INKA2: variants seen among roughly 807,000 people sequenced by gnomAD.
INKA2 encodes PAK4-inhibitor INKA2.
In INKA2, 3 loss-of-function variants were observed where a neutral mutation model predicts 9.8. That is an observed-to-expected ratio of 0.31 (90% confidence interval 0.14 to 0.79). INKA2 has a LOEUF of 0.79. Ranked by LOEUF, INKA2 falls within the 30% of genes least tolerant of loss-of-function variation. INKA2 has a pLI of 0.62. For synonymous variants in INKA2, 147 were observed against 143.3 expected, an observed-to-expected ratio of 1.03 and a Z score of -0.18; for missense variants, 392 against 384.4, an observed-to-expected ratio of 1.02 and a Z score of -0.17.
intron 1 of INKA2, chr1:111,754,527 A>C (rs1474124079): frequency 6.6e-6 from 1 of 152,120 alleles, no homozygotes; most frequent in Non-Finnish European, 1.5e-5. Flanking sequence ...TATTTTTAAA[A>C]ATTTGTTTAC....
upstream of INKA2, chr1:111,739,433 G>A (rs990089796): frequency 2.2e-4 from 317 of 1,444,770 alleles, no homozygotes; most frequent in Non-Finnish European, 2.6e-4. Flanking sequence ...TCGGTGCTGG[G>A]GGTGGAGGGA....
chr1:111,727,720 C>T lies in INKA2; in HGVS notation c.142G>A (p.Val48Met). The change falls in exon 2 of 2, where the codon GTG (valine) becomes ATG (methionine). Residue 48 changes from valine to methionine, a missense_variant. Coordinates refer to ENST00000357260, the MANE Select transcript of INKA2 (RefSeq NM_019099.5). ...TCCAGCTGTTCCAGTGCTGTCTGCA[C>T]CTGGAGGAGCTTCAGTTCTTGCAGT... ...GALQELKLLQ[V>M]QTALEQLEIS... 1.2e-6 allele frequency: 2 copies of T among 1,613,954 alleles called. No homozygotes were observed. The highest frequency in any genetic ancestry group is 2.2e-5 in the South Asian group (2 of 91,078).
chr1:111,753,992 G>C (rs926464836), intron 1 of INKA2: 8 of 152,216 alleles, frequency 5.3e-5, no homozygotes, highest in South Asian at 2.1e-4. Flanking sequence ...CAGCACCTGT[G>C]GGGTACATGG....
In INKA2 at chr1:111,722,688, G is replaced by T. The variant is rs117364116; in HGVS notation, c.*4280C>A. 3.6e-4 allele frequency: 60 copies of T among 164,516 alleles called. No homozygotes were observed. The East Asian group carries it at 9.1e-3, about 25-fold the overall frequency. 10.2% of individuals were successfully genotyped at this position (164,516 alleles called of 1,614,324 possible). Reference sequence around the variant, plus strand: ...ATTTAGCAAATAACAGCCCATCTGGGTGGCTAGTATACAGTGTACAAAAAC... The same window carrying T: ...ATTTAGCAAATAACAGCCCATCTGGTTGGCTAGTATACAGTGTACAAAAAC... On this transcript the variant is annotated 3_prime_UTR_variant, in exon 2 of 2. Coordinates refer to ENST00000357260, the MANE Select transcript of INKA2 (RefSeq NM_019099.5).
intron 1 of INKA2, among the ~76,000 whole-genome samples, chr1:111,752,076 T>A (rs1222439732): frequency 1.3e-5 from 2 of 152,180 alleles, no homozygotes; most frequent in Non-Finnish European, 2.9e-5. Context: ...ATTTCTACTT[T>A]CTATTTTGAG....
In INKA2 at chr1:111,726,318, C is replaced by CT. The variant is rs891344477; in HGVS notation, c.*649dup. 1.1e-5 allele frequency: 4 copies of CT among 367,752 alleles called. No homozygotes were observed. Among genetic ancestry groups the CT allele is most frequent in the African/African-American group, 8.4e-5 (4 of 47,848 alleles). 22.8% of individuals were successfully genotyped at this position (367,752 alleles called of 1,614,324 possible). A position where few individuals can be genotyped will look rare whatever the true frequency, so the allele number is the denominator to read the frequency against. On this transcript the variant is annotated 3_prime_UTR_variant, in exon 2 of 2. Transcript: ENST00000357260. The stretch of plus-strand genomic sequence containing the variant: ...GACGCGGGGAGTGTCTAGGGCTTCC[C>CT]TGGCTGCTCCTTACACACTGTACTC...
Position 111,727,215 on chromosome 1 carries a change from C to A in INKA2, c.647G>T (p.Arg216Leu). Residue 216 changes from arginine to leucine, a missense_variant, in exon 2 of 2, where the codon CGT (arginine) becomes CTT (leucine). Arg to Leu is a moderately radical substitution (Grantham distance 102). Transcript: ENST00000357260. Reference protein sequence around the residue: ...LTANIFKKFLRSVRPDRDRLL... With the variant: ...LTANIFKKFLLSVRPDRDRLL... ...CCGGTCACGGTCAGGCCGCACACTA[C>A]GCAAGAACTTCTTAAAGATGTTTGC... 2 of 1,614,212 alleles carry A rather than the reference C, an allele frequency of 1.2e-6. No individual in the cohort carries two copies.
intron 1 of INKA2, among the ~76,000 whole-genome samples, chr1:111,749,609 G>A (rs1663355212): frequency 6.6e-6 from 1 of 152,210 alleles, no homozygotes; most frequent in African/African-American, 2.4e-5. Flanking sequence ...GCTCAGAGAA[G>A]AGACAAAGGC....
chr1:111,727,776 A>G lies in INKA2; in HGVS notation c.86T>C (p.Leu29Ser). The part of the protein sequence containing the change: ...LMSMKEVGDG[L>S]QDQMNCMMGA... The stretch of plus-strand genomic sequence containing the variant: ...CATCATGCAGTTCATCTGATCCTGT[A>G]AGCCATCACCCACCTCCTTCATGGA... Residue 29 changes from leucine (L) to serine (S), a missense_variant, in exon 2 of 2, where the codon TTA becomes TCA. Leu to Ser is a moderately radical substitution (Grantham distance 145). Coordinates refer to ENST00000357260, the MANE Select transcript of INKA2 (RefSeq NM_019099.5). 2.5e-6 allele frequency: 4 copies of G among 1,609,118 alleles called. No individual in the cohort carries two copies. The highest frequency in any genetic ancestry group is 2.5e-6 in the Non-Finnish European group (3 of 1,179,998).
intron 1 of INKA2, among the ~76,000 whole-genome samples, chr1:111,737,474 A>G (rs914654461): frequency 2.3e-4 from 35 of 152,174 alleles, no homozygotes; most frequent in African/African-American, 6.5e-4. Context: ...TGTAGTCCCC[A>G]ATTCGAAGCA....
Position 111,727,659 on chromosome 1 carries a change from T to G in INKA2, c.203A>C (p.Glu68Ala). 6.2e-7 allele frequency: 1 copy of G among 1,610,448 alleles called. No individual in the cohort carries two copies. The highest frequency in any genetic ancestry group is 8.5e-7 in the Non-Finnish European group (1 of 1,178,032). The change falls in exon 2 of 2, where the codon GAA becomes GCA. Residue 68 changes from glutamate (E) to alanine (A), a missense_variant. By Grantham distance (107) the Glu-to-Ala change is moderately radical. Coordinates refer to ENST00000357260, the MANE Select transcript of INKA2 (RefSeq NM_019099.5). ...SGGGPVPGSP[E>A]GPRTQCEHPC... ...GTGCTCGCACTGGGTCCTGGGACCT[T>G]CAGGGCTGCCTGGCACAGGACCCCC...
intron 1 of INKA2, among the ~76,000 whole-genome samples, chr1:111,752,490 A>C (rs1170336816): frequency 1.3e-5 from 2 of 152,188 alleles, no homozygotes; most frequent in African/African-American, 4.8e-5. Context: ...GTGTTCAGAA[A>C]ATTTTTGTTG....
rs542394791 is a variant in INKA2, at chr1:111,730,851, A to G, written c.58-3047T>C. Among the ~76,000 whole-genome samples the G allele has an allele frequency of 2.0e-5, 3 of 152,288 alleles. No individual in the cohort carries two copies. In the East Asian group the frequency reaches 5.8e-4, roughly 29 times the overall value. On this transcript the variant is annotated intron_variant, in intron 1 of 1. Coordinates refer to ENST00000357260, the MANE Select transcript of INKA2 (RefSeq NM_019099.5). ...AGCACCTGGCACTTGCTACATACCC[A>G]TAAAACACATATTGAATATCACTGA...
chr1:111,754,590 T>G (rs1033639018), intron 1 of INKA2: 2 of 152,268 alleles, frequency 1.3e-5, no homozygotes, highest in African/African-American at 2.4e-5. Context: ...TGGCAACTCC[T>G]GGCCTCAAGC....
At chr1:111,753,380 C>A (rs1488574572) in intron 1 of INKA2, 1 of 152,120 alleles carries the variant, frequency 6.6e-6, no homozygotes, top group African/African-American at 2.4e-5. Context: ...TGATTTCTTG[C>A]TTTTGTGCAA....
At chr1:111,744,180 C>G (rs1227213555), upstream of INKA2, among the ~76,000 whole-genome samples, 2 of 152,176 alleles carry the variant, frequency 1.3e-5, no homozygotes, top group Non-Finnish European at 2.9e-5. Flanking sequence ...ATTCCAATAC[C>G]AGGAGGGACA....
intron 1 of INKA2, among the ~76,000 whole-genome samples, chr1:111,735,506 A>C (rs1662991842): frequency 6.6e-6 from 1 of 152,218 alleles, no homozygotes; most frequent in Admixed American, 6.5e-5. Context: ...TAATATGTTA[A>C]GGTCATACAG....
At chr1:111,733,969 A>T (rs954355702) in intron 1 of INKA2, among the ~76,000 whole-genome samples, 2 of 152,098 alleles carry the variant, frequency 1.3e-5, no homozygotes, top group African/African-American at 2.4e-5. Flanking sequence ...GATCCCCACA[A>T]AGTTCCTTTC....
chr1:111,726,023 C>G lies in INKA2; in HGVS notation c.*945G>C, dbSNP rs538914236. 4 of 398,664 alleles carry G rather than the reference C, an allele frequency of 1.0e-5. 1 individual carries two copies. In the East Asian group the frequency reaches 1.4e-4, roughly 14 times the overall value. The allele number at this position is 398,664 out of a possible 1,614,324, so 24.7% of individuals were successfully genotyped here. ...AAGTGCTGGGATTACAGGCGTGAGC[C>G]ACAGCGCCCAGCCTGCGGGGTGCTA... On this transcript the variant is annotated 3_prime_UTR_variant, in exon 2 of 2. Transcript: ENST00000357260.
Sources: allele counts gnomAD v4.1 joint callset (sites outside exome capture counted in the v4.1 genomes callset), GRCh38; gene constraint gnomAD v4.1.1; transcripts MANE v1.5; gene names NCBI Gene and HGNC (gene_info 2026-07-23, HGNC 2026-07-21).